Variants in PAPPA2 observed in about 807,000 individuals in gnomAD.
PAPPA2 encodes the protein pappalysin 2.
A neutral mutation model predicts 176.4 loss-of-function variants in PAPPA2; 86 were observed. That is an observed-to-expected ratio of 0.49 (90% confidence interval 0.41 to 0.58). The LOEUF is 0.58. Ranked by LOEUF, PAPPA2 falls within the 20% of genes least tolerant of loss-of-function variation. The pLI is 0.00. For synonymous variants in PAPPA2, 809 were observed against 852.2 expected (o/e 0.95, Z 0.88); for missense variants, 2,073 against 2,256.9 (o/e 0.92, Z 1.65).
intron 2 of PAPPA2, among the ~76,000 whole-genome samples, chr1:176,572,288 TAGTTTCC>T (rs1652392939): frequency 6.6e-6 from 1 of 152,218 alleles, no homozygotes; most frequent in South Asian, 2.1e-4. Context: ...TTAGATCACT[TAGTTTCC>T]TTGACCTTTC....
intron 1 of PAPPA2, among the ~76,000 whole-genome samples, chr1:176,510,810 T>TACACAC (rs200808228): frequency 0.037 from 4,665 of 126,446 alleles, 107 homozygotes; most frequent in Middle Eastern, 0.072. Flanking sequence ...AAGCAACACA[T>TACACAC]ACACACACAC....
chr1:176,495,866 C>G (rs544388067), intron 1 of PAPPA2, among the ~76,000 whole-genome samples: 1 of 151,518 alleles, frequency 6.6e-6, no homozygotes, highest in South Asian at 2.1e-4. Context: ...CTCCTGGGCT[C>G]TAGCGATCCT....
At chr1:176,687,829 C>G (rs556248531) in intron 4 of PAPPA2, among the ~76,000 whole-genome samples, 72 of 152,178 alleles carry the variant, frequency 4.7e-4, no homozygotes, top group South Asian at 2.7e-3. Context: ...ATATTCTACC[C>G]CGGACAGGTT....
chr1:176,488,838 C>A (rs982721596), intron 1 of PAPPA2, among the ~76,000 whole-genome samples: 6 of 152,136 alleles, frequency 3.9e-5, no homozygotes, highest in Admixed American at 3.9e-4. Flanking sequence ...CCATCAGAAT[C>A]TTGGGTGCAT....
At chr1:176,475,455 C>A (rs531269120) in intron 1 of PAPPA2, among the ~76,000 whole-genome samples, 54 of 152,298 alleles carry the variant, frequency 3.5e-4, no homozygotes, top group African/African-American at 1.2e-3. Context: ...GGAGGAAGGT[C>A]TACACTGGGG....
intron 9 of PAPPA2, among the ~76,000 whole-genome samples, chr1:176,705,503 C>T (rs1161211762): frequency 6.6e-6 from 1 of 152,074 alleles, no homozygotes; most frequent in Non-Finnish European, 1.5e-5. Context: ...AAATATATGT[C>T]CATTTTGAGC....
At chr1:176,601,438 A>G (rs975989615) in intron 3 of PAPPA2, among the ~76,000 whole-genome samples, 1 of 152,172 alleles carries the variant, frequency 6.6e-6, no homozygotes, top group Non-Finnish European at 1.5e-5. Context: ...CTGAGAGGAG[A>G]GAGAGCCTGA....
intron 14 of PAPPA2, among the ~76,000 whole-genome samples, chr1:176,750,211 A>T (rs1460589255): frequency 6.6e-6 from 1 of 152,122 alleles, no homozygotes; most frequent in East Asian, 1.9e-4. Context: ...ATGTAGATTA[A>T]GAGTACCAAC....
At chr1:176,467,976 G>A (rs1000695901) in intron 1 of PAPPA2, among the ~76,000 whole-genome samples, 1 of 152,154 alleles carries the variant, frequency 6.6e-6, no homozygotes, top group Admixed American at 6.5e-5. Context: ...GGGCTGGCTG[G>A]GGAGAGTAAG....
intron 12 of PAPPA2, among the ~76,000 whole-genome samples, chr1:176,725,995 T>C (rs919858478): frequency 8.5e-5 from 13 of 152,214 alleles, no homozygotes; most frequent in Admixed American, 1.3e-4. Flanking sequence ...TTAGCCAGGA[T>C]GGTCTCGATT....
chr1:176,682,927 C>T (rs1441909234), intron 4 of PAPPA2, among the ~76,000 whole-genome samples: 1 of 152,090 alleles, frequency 6.6e-6, no homozygotes, highest in Admixed American at 6.5e-5. Flanking sequence ...GTTTTATGGG[C>T]ATATAATATT....
intron 2 of PAPPA2, among the ~76,000 whole-genome samples, chr1:176,572,822 AT>A (rs1301323573): frequency 6.6e-6 from 1 of 152,106 alleles, no homozygotes; most frequent in African/African-American, 2.4e-5. Flanking sequence ...TTGCAATAGG[AT>A]TTTCTTCATG....
intron 2 of PAPPA2, among the ~76,000 whole-genome samples, chr1:176,569,471 T>C (rs114295493): frequency 1.8e-4 from 28 of 152,368 alleles, no homozygotes; most frequent in African/African-American, 6.0e-4. Context: ...GCTTATGTTT[T>C]CCTGATACCT....
At chr1:176,543,901 G>A (rs1402047481) in intron 1 of PAPPA2, among the ~76,000 whole-genome samples, 1 of 152,208 alleles carries the variant, frequency 6.6e-6, no homozygotes, top group Non-Finnish European at 1.5e-5. Flanking sequence ...CTAGCTGAAG[G>A]CAGTGGACTT....
At chr1:176,707,123 C>A (rs890300288) in intron 10 of PAPPA2, among the ~76,000 whole-genome samples, 1 of 152,140 alleles carries the variant, frequency 6.6e-6, no homozygotes, top group African/African-American at 2.4e-5. Flanking sequence ...AGATTATTTT[C>A]CATTGTCATC....
chr1:176,662,257 T>C (rs61822989), intron 3 of PAPPA2, among the ~76,000 whole-genome samples: 3,173 of 152,290 alleles, frequency 0.021, 42 homozygotes, highest in Non-Finnish European at 0.03. Flanking sequence ...GTAATTATGC[T>C]AACTTCATAA....
rs1225869817 is a variant in PAPPA2, at chr1:176,634,432, G to A, written c.1992-36538G>A. Among the ~76,000 whole-genome samples, 5 of 152,122 alleles carry A rather than the reference G, an allele frequency of 3.3e-5. No individual in the cohort carries two copies. In the East Asian group the frequency reaches 7.7e-4, roughly 23 times the overall value. On this transcript the variant is annotated intron_variant, in intron 3 of 22. Transcript: ENST00000367662. ...AGGAAGGGGAACATCACACACTGGGGCCTGTTGTGGAGTGGGAGGAGTGGG... is the reference window on the plus strand; with the variant it reads ...AGGAAGGGGAACATCACACACTGGGACCTGTTGTGGAGTGGGAGGAGTGGG...
intron 21 of PAPPA2, among the ~76,000 whole-genome samples, chr1:176,805,418 G>T (rs1665859929): frequency 6.6e-6 from 1 of 152,116 alleles, no homozygotes; most frequent in African/African-American, 2.4e-5. Context: ...TGTTGATAGA[G>T]TTGTGCCCTT....
chr1:176,558,419 G>C (rs1001192789), intron 2 of PAPPA2, among the ~76,000 whole-genome samples: 3 of 152,180 alleles, frequency 2.0e-5, no homozygotes, highest in Non-Finnish European at 4.4e-5. Flanking sequence ...TCGGCAAGGA[G>C]GGAGCCTCTT....
Sources: gnomAD v4.1 joint callset for allele counts (sites outside exome capture counted in the v4.1 genomes callset) on GRCh38, gnomAD v4.1.1 for gene constraint, MANE v1.5 for transcripts, NCBI Gene and HGNC (gene_info 2026-07-23, HGNC 2026-07-21) for gene names.